Variants in MCF2L2 observed in about 807,000 individuals in gnomAD.
MCF2L2 encodes probable guanine nucleotide exchange factor MCF2L2.
MCF2L2 carries 102 observed loss-of-function variants against 150.2 expected under a neutral mutation model. That is an observed-to-expected ratio of 0.68 (90% CI 0.58 to 0.80). The LOEUF (loss-of-function observed/expected upper bound fraction) is 0.80, where lower values mean the gene tolerates loss of function less well. MCF2L2 is among the 30% of genes least tolerant of loss of function. MCF2L2 has a pLI of 0.00. For synonymous variants in MCF2L2, 465 were observed against 491.3 expected, an observed-to-expected ratio of 0.95 and a Z score of 0.71; for missense variants, 1,256 against 1,372.8, an observed-to-expected ratio of 0.91 and a Z score of 1.34.
chr3:183,391,261 C>CTT (rs145569248), intron 1 of MCF2L2, among the ~76,000 whole-genome samples: 2,265 of 145,300 alleles, frequency 0.016, 62 homozygotes, highest in African/African-American at 0.051. Flanking sequence ...TTCTAAAAGC[C>CTT]TTTTTTTGTT....
chr3:183,390,122 C>T (rs1177411831), intron 1 of MCF2L2, among the ~76,000 whole-genome samples: 2 of 152,168 alleles, frequency 1.3e-5, no homozygotes, highest in African/African-American at 4.8e-5. Flanking sequence ...TTGCCTACAC[C>T]TTTGGGTCTG....
At chr3:183,402,744 C>A (rs1164617082) in intron 1 of MCF2L2, among the ~76,000 whole-genome samples, 1 of 151,420 alleles carries the variant, frequency 6.6e-6, no homozygotes, top group African/African-American at 2.4e-5. Flanking sequence ...GAAACAAGAC[C>A]AAGAAATAGA....
chr3:183,213,371 G>A (rs1338900660), intron 22 of MCF2L2, among the ~76,000 whole-genome samples: 2 of 151,810 alleles, frequency 1.3e-5, no homozygotes, highest in African/African-American at 4.8e-5. Context: ...TTAGACCCAG[G>A]ACTAATTGAG....
chr3:183,255,821 AAG>A (rs1448490639), intron 15 of MCF2L2, among the ~76,000 whole-genome samples: 2 of 152,032 alleles, frequency 1.3e-5, no homozygotes, highest in African/African-American at 2.4e-5. Flanking sequence ...AAAAAAAAAA[AAG>A]AAAAAGAAAA....
intron 3 of MCF2L2, among the ~76,000 whole-genome samples, chr3:183,365,665 G>C (rs1712478917): frequency 6.6e-6 from 1 of 152,128 alleles, no homozygotes; most frequent in Non-Finnish European, 1.5e-5. Context: ...TTACAGGAAA[G>C]CATGGATGAA....
Position 183,178,386 on chromosome 3 carries a change from C to G in MCF2L2, c.*994G>C, listed in dbSNP as rs554848156. ...TCAGGAGGCTGAGGCAGGAGAATGG[C>G]GTGAACCCGGGAGGCGGTTTGCAGT... On this transcript the variant is annotated 3_prime_UTR_variant, in exon 30 of 30. Coordinates refer to ENST00000328913, the MANE Select transcript of MCF2L2 (RefSeq NM_015078.4). 6.6e-6 allele frequency: 1 copy of G among 152,154 alleles called. No individual in the cohort carries two copies. Among genetic ancestry groups the G allele is most frequent in the Non-Finnish European group, 1.5e-5 (1 of 68,050 alleles). 9.4% of individuals were successfully genotyped at this position (152,154 alleles called of 1,614,324 possible).
intron 10 of MCF2L2, 37 bp from the exon 11 acceptor site, chr3:183,300,233 C>T (rs1728770728): frequency 6.4e-7 from 1 of 1,558,606 alleles, no homozygotes; most frequent in South Asian, 1.2e-5. Flanking sequence ...CGTCAGAAGT[C>T]AGAGCATCAT....
rs1722927572 is a variant in MCF2L2 at position 183,216,555 on chromosome 3, TA to T, written c.2371-462del. On this transcript the variant is annotated intron_variant, in intron 21 of 29. Coordinates refer to ENST00000328913, the MANE Select transcript of MCF2L2 (RefSeq NM_015078.4). ...ATATAAAATATAAGTATATATATTA[TA>T]TATATATATATATATATATATATAT... Among the ~76,000 whole-genome samples the T allele has an allele frequency of 5.0e-3, 17 of 3,420 alleles. 1 individual carries two copies. The highest frequency in any genetic ancestry group is 0.012 in the African/African-American group (14 of 1,172). The allele number at this position is 3,420 out of a possible 152,430, so 2.2% of individuals were successfully genotyped here.
intron 15 of MCF2L2, among the ~76,000 whole-genome samples, chr3:183,256,698 A>G (rs1402185638): frequency 2.6e-5 from 4 of 152,302 alleles, no homozygotes; most frequent in South Asian, 2.1e-4. Context: ...ATAACTTCCT[A>G]TAACTTTTTC....
chr3:183,396,224 C>T (rs1229841544), intron 1 of MCF2L2, among the ~76,000 whole-genome samples: 1 of 151,954 alleles, frequency 6.6e-6, no homozygotes, highest in Non-Finnish European at 1.5e-5. Flanking sequence ...AAAATGTGAC[C>T]GCATCCAAAT....
chr3:183,230,895 CA>C, intron 16 of MCF2L2, 55 bp downstream of exon 16: 1 of 1,375,898 alleles, frequency 7.3e-7, no homozygotes, highest in Non-Finnish European at 1.0e-6. Context: ...CTTTGTACAA[CA>C]AAACATCTGC....
intron 22 of MCF2L2, among the ~76,000 whole-genome samples, chr3:183,211,004 G>A (rs1470659804): frequency 2.0e-5 from 3 of 152,122 alleles, no homozygotes; most frequent in Admixed American, 6.5e-5. Context: ...AGCAGGAGAC[G>A]GGGCTGTGAG....
intron 15 of MCF2L2, chr3:183,271,319 A>G (rs1254911775): frequency 5.9e-6 from 1 of 170,088 alleles, no homozygotes; most frequent in African/African-American, 2.4e-5. Context: ...GGAAATGAAT[A>G]TATTGTTAGA....
At chr3:183,228,505 C>T in intron 17 of MCF2L2, 139 bp from the exon 18 acceptor site, 2 of 566,488 alleles carry the variant, frequency 3.5e-6, no homozygotes, top group South Asian at 2.5e-5. Flanking sequence ...ATCTTCTACA[C>T]ATTGATTCAG....
intron 3 of MCF2L2, among the ~76,000 whole-genome samples, chr3:183,355,470 C>T (rs1253441663): frequency 1.3e-5 from 2 of 149,610 alleles, no homozygotes; most frequent in South Asian, 4.2e-4. Flanking sequence ...TTTTTTGAGA[C>T]GGAGTCTCGC....
At chr3:183,271,015 C>T (rs1560391296) in intron 15 of MCF2L2, 1 of 1,324,140 alleles carries the variant, frequency 7.6e-7, no homozygotes, top group East Asian at 2.4e-5. Context: ...CGTCTATACC[C>T]TAAGTAAAAT....
At chr3:183,356,438 G>A (rs138830501) in intron 3 of MCF2L2, among the ~76,000 whole-genome samples, 95 of 152,142 alleles carry the variant, frequency 6.2e-4, no homozygotes, top group African/African-American at 2.2e-3. Context: ...GTTTGAACCC[G>A]GGAGGCAGAG....
intron 15 of MCF2L2, among the ~76,000 whole-genome samples, chr3:183,266,810 G>A (rs1380053493): frequency 6.9e-6 from 1 of 144,220 alleles, no homozygotes; most frequent in Non-Finnish European, 1.5e-5. Context: ...TTTTTGAGAT[G>A]GAATCTCATT....
At chr3:183,403,197 A>G (rs2108613936) in intron 1 of MCF2L2, among the ~76,000 whole-genome samples, 1 of 152,272 alleles carries the variant, frequency 6.6e-6, no homozygotes, top group Middle Eastern at 3.4e-3. Context: ...ACCTGAATCC[A>G]GGAGGCAGAG....
Sources: gnomAD v4.1 joint callset for allele counts (sites outside exome capture counted in the v4.1 genomes callset) on GRCh38, gnomAD v4.1.1 for gene constraint, MANE v1.5 for transcripts, NCBI Gene and HGNC (gene_info 2026-07-23, HGNC 2026-07-21) for gene names.